BRSK2: variants seen among roughly 807,000 people sequenced by gnomAD.
The protein encoded by BRSK2 is BR serine/threonine kinase 2, also known as serine/threonine-protein kinase BRSK2.
A neutral mutation model predicts 83.3 loss-of-function variants in BRSK2; 19 were observed. The ratio of observed to expected loss-of-function variants is 0.23; its 90% CI spans 0.16 to 0.33. The LOEUF (loss-of-function observed/expected upper bound fraction) is 0.33, where lower values mean the gene tolerates loss of function less well. Ranked by LOEUF, BRSK2 falls within the 10% of genes least tolerant of loss-of-function variation. BRSK2 has a pLI of 1.00. For synonymous variants in BRSK2, 519 were observed against 435.4 expected (o/e 1.19, Z -2.39); for missense variants, 798 against 1,042.3 (o/e 0.77, Z 3.23).
chr11:1,460,699 C>A lies in BRSK2; in HGVS notation c.2187C>A (p.Pro729=). ...AGGACACGGCCAAGATGGGCCCGCC[C>A]ACCGCCCGCCGCGAGCAGCCTTAGA... ...TGKDTAKMGP[P]TARREQP The change falls in exon 20 of 20, where the codon CCC becomes CCA. Residue 729 remains proline (P), a synonymous_variant. Transcript: ENST00000528841. 1 of 1,478,372 alleles carries A rather than the reference C, an allele frequency of 6.8e-7. No individual in the cohort carries two copies. The highest frequency in any genetic ancestry group is 1.2e-5 in the South Asian group (1 of 80,406). The allele number at this position is 1,478,372 out of a possible 1,614,324, so 91.6% of individuals were successfully genotyped here. A position where few individuals can be genotyped will look rare whatever the true frequency, so the allele number is the denominator to read the frequency against.
At chr11:1,443,221 C>A in intron 6 of BRSK2, 82 bp downstream of exon 6, 2 of 1,515,916 alleles carry the variant, frequency 1.3e-6, no homozygotes, top group East Asian at 2.5e-5. Flanking sequence ...GCCTGCCGCA[C>A]CCCCAGGTGC....
chr11:1,423,706 CCCG>C lies in BRSK2; in HGVS notation c.92-12332_92-12330del, dbSNP rs1848865570. Among the ~76,000 whole-genome samples, 3 of 151,116 alleles carry C rather than the reference CCCG, an allele frequency of 2.0e-5. No individual in the cohort carries two copies. The highest frequency in any genetic ancestry group is 4.4e-5 in the Non-Finnish European group (3 of 67,702). On this transcript the variant is annotated intron_variant, in intron 1 of 19. Coordinates refer to ENST00000528841, the MANE Select transcript of BRSK2 (RefSeq NM_001256627.2). The surrounding 1 kb of genome is among the most constrained non-coding windows in gnomAD (Gnocchi z 6.5). Reference sequence around the variant, plus strand: ...GGCGTTCCGGGTGCCCCAGGCCTCCCCCGCTGGGCGTTCCGGGTGCCCCAGGCC... The same window carrying C: ...GGCGTTCCGGGTGCCCCAGGCCTCCCCTGGGCGTTCCGGGTGCCCCAGGCC...
At chr11:1,441,128 T>C (rs1382381767) in intron 4 of BRSK2, among the ~76,000 whole-genome samples, 200 bp downstream of exon 4, 17 of 117,326 alleles carry the variant, frequency 1.4e-4, no homozygotes, top group African/African-American at 5.5e-4. Flanking sequence ...TCCCCTCCAT[T>C]AGCTACCCCT....
chr11:1,393,704 G>A (rs1845872305), intron 1 of BRSK2, among the ~76,000 whole-genome samples: 1 of 152,142 alleles, frequency 6.6e-6, no homozygotes, highest in African/African-American at 2.4e-5. Context: ...AACAGGTGAG[G>A]GGAGGGAGAG....
At chr11:1,418,555 T>A (rs1442519079) in intron 1 of BRSK2, among the ~76,000 whole-genome samples, 8 of 151,386 alleles carry the variant, frequency 5.3e-5, no homozygotes, top group Admixed American at 4.6e-4. Context: ...GGCTGTTTCT[T>A]CTCTTGAGAG....
intron 16 of BRSK2, 34 bp from the exon 17 acceptor site, chr11:1,456,314 G>A: frequency 5.3e-6 from 8 of 1,519,726 alleles, no homozygotes; most frequent in East Asian, 2.5e-5. Flanking sequence ...GGACCTGCCA[G>A]GCCAGCCACG....
intron 1 of BRSK2, among the ~76,000 whole-genome samples, chr11:1,427,663 G>A (rs746900036): frequency 1.1e-4 from 17 of 152,264 alleles, no homozygotes; most frequent in Admixed American, 1.3e-4. Context: ...GTGATCTGTG[G>A]CACTGCGTGC....
intron 6 of BRSK2, 63 bp from the exon 7 acceptor site, chr11:1,443,272 A>T: frequency 3.9e-6 from 6 of 1,539,698 alleles, no homozygotes; most frequent in Non-Finnish European, 5.3e-6. Context: ...CTCTGAGCCC[A>T]GGCCCTCCAA....
intron 2 of BRSK2, among the ~76,000 whole-genome samples, chr11:1,436,375 G>A (rs1028523455): frequency 1.3e-5 from 2 of 152,138 alleles, no homozygotes; most frequent in Non-Finnish European, 2.9e-5. Context: ...CCCCTGAGGG[G>A]ACAGGCTGCA....
In BRSK2 at chr11:1,427,752, A is replaced by C. The variant is rs528740204; in HGVS notation, c.92-8288A>C. Among the ~76,000 whole-genome samples the C allele has an allele frequency of 4.2e-4, 64 of 152,326 alleles. No homozygotes were observed. In the South Asian group the frequency reaches 5.8e-3, roughly 14 times the overall value. ...GACTCTCAATTGGAAAATAAGCCAC[A>C]GTGAGTTGCAGGGGGAGATGATGAA... On this transcript the variant is annotated intron_variant, in intron 1 of 19. Transcript: ENST00000528841.
chr11:1,394,027 ATGGAGATGGGTCC>A (rs1283619523), intron 1 of BRSK2, among the ~76,000 whole-genome samples: 149 of 103,562 alleles, frequency 1.4e-3, no homozygotes, highest in South Asian at 2.2e-3. Context: ...GAGATGGGCC[ATGGAGATGGGTCC>A]TGGAGATGGG....
In BRSK2 at chr11:1,443,693, C is replaced by T. The variant is rs1286618761; in HGVS notation, c.780+58C>T. 2.4e-5 allele frequency: 36 copies of T among 1,476,320 alleles called. No homozygotes were observed. In the Admixed American group the frequency reaches 5.6e-4, roughly 23 times the overall value. 91.5% of individuals were successfully genotyped at this position (1,476,320 alleles called of 1,614,324 possible). On this transcript the variant is annotated intron_variant, in intron 8 of 19. Coordinates refer to ENST00000528841, the MANE Select transcript of BRSK2 (RefSeq NM_001256627.2). Reference sequence around the variant, plus strand: ...CGTGGCGGGGGGGCGCGGGGGCGGGCGTGTGCCTGTGTGTGCACAGGTGTG... The same window carrying T: ...CGTGGCGGGGGGGCGCGGGGGCGGGTGTGTGCCTGTGTGTGCACAGGTGTG...
chr11:1,412,452 G>A (rs1444407428), intron 1 of BRSK2, among the ~76,000 whole-genome samples: 2 of 98,796 alleles, frequency 2.0e-5, no homozygotes, highest in Admixed American at 9.8e-5. Context: ...TCTCAGCTGC[G>A]CCGCCCCGTC....
chr11:1,427,797 C>G (rs140894223), intron 1 of BRSK2, among the ~76,000 whole-genome samples: 3 of 152,172 alleles, frequency 2.0e-5, no homozygotes, highest in Admixed American at 1.3e-4. Flanking sequence ...TGGGCTTCCC[C>G]GCTCCAGCTT....
intron 8 of BRSK2, among the ~76,000 whole-genome samples, chr11:1,444,291 T>A (rs936634385): frequency 4.6e-5 from 7 of 152,078 alleles, no homozygotes; most frequent in African/African-American, 1.7e-4. Context: ...GGTCCTGACC[T>A]CCTCCAGGGC....
chr11:1,445,976 C>T, intron 12 of BRSK2, 69 bp downstream of exon 12: 2 of 1,513,464 alleles, frequency 1.3e-6, no homozygotes, highest in Non-Finnish European at 1.8e-6. Context: ...CCGCCTGGCT[C>T]ATCGCTACCC....
At chr11:1,449,659 G>T in intron 12 of BRSK2, 117 bp from the exon 13 acceptor site, 1 of 821,762 alleles carries the variant, frequency 1.2e-6, no homozygotes, top group Non-Finnish European at 1.9e-6. Flanking sequence ...AGGGCCTCGA[G>T]GCTCTTGGCC....
intron 6 of BRSK2, 80 bp from the exon 7 acceptor site, chr11:1,443,255 C>A: frequency 6.6e-7 from 1 of 1,525,894 alleles, no homozygotes; most frequent in South Asian, 1.2e-5. Context: ...GTCCCCGGGC[C>A]GACTCCCTCT....
chr11:1,411,482 A>G, intron 1 of BRSK2: 1 of 1,481,096 alleles, frequency 6.8e-7, no homozygotes, highest in South Asian at 1.3e-5. Flanking sequence ...TCTGCTCCCC[A>G]AGAGAGCCCA....
Sources: allele counts gnomAD v4.1 joint callset (sites outside exome capture counted in the v4.1 genomes callset), GRCh38; gene constraint gnomAD v4.1.1; non-coding constraint Gnocchi (gnomAD v3.1); transcripts MANE v1.5; gene names NCBI Gene and HGNC (gene_info 2026-07-23, HGNC 2026-07-21).